Variants in HUWE1 observed in about 807,000 individuals in gnomAD.
HUWE1 encodes HECT, UBA and WWE domain containing E3 ubiquitin protein ligase 1.
A neutral mutation model predicts 299.4 loss-of-function variants in HUWE1; 18 were observed. That is an observed-to-expected ratio of 0.06 (90% CI 0.04 to 0.09). The LOEUF (loss-of-function observed/expected upper bound fraction) is 0.09. Among genes scored for constraint, HUWE1 ranks in the 10% least tolerant of loss-of-function variants. The pLI is 1.00. For synonymous variants in HUWE1, 1,317 were observed against 1,286.1 expected (o/e 1.02, Z -0.51); for missense variants, 1,832 against 3,462.3 (o/e 0.53, Z 11.82).
Position 53,533,189 on chromosome X carries a change from G to T in HUWE1, c.*120C>A. The T allele has an allele frequency of 1.9e-6, 1 of 515,198 alleles. No homozygotes were observed. The allele number at this position is 515,198 out of a possible 1,213,427, so 42.5% of individuals were successfully genotyped here. On this transcript the variant is annotated 3_prime_UTR_variant, in exon 84 of 84. Transcript: ENST00000262854. ...AGATGGGGCAGCTGGGACACACACGGTGAGTTGGTGGATTTCATTTATTGG... is the reference window on the plus strand; with the variant it reads ...AGATGGGGCAGCTGGGACACACACGTTGAGTTGGTGGATTTCATTTATTGG...
intron 38 of HUWE1, 28 bp downstream of exon 38, chrX:53,586,754 A>G: frequency 2.5e-6 from 3 of 1,210,646 alleles, no homozygotes; most frequent in Non-Finnish European, 3.4e-6. Flanking sequence ...AATAGAAACG[A>G]AACTAGGGTA....
At chrX:53,661,560 C>G (rs1303426320) in intron 3 of HUWE1, among the ~76,000 whole-genome samples, 2 of 110,994 alleles carry the variant, frequency 1.8e-5, no homozygotes, top group African/African-American at 6.6e-5. Flanking sequence ...AGGTGAAAAC[C>G]CTATTACATT....
intron 3 of HUWE1, among the ~76,000 whole-genome samples, chrX:53,666,651 T>C (rs1264949488): frequency 1.8e-5 from 2 of 110,924 alleles, no homozygotes; most frequent in African/African-American, 6.6e-5. Context: ...TTACCTCTCT[T>C]ACCAGTGCTA....
chrX:53,599,581 A>G (rs1556988242), intron 29 of HUWE1, among the ~76,000 whole-genome samples: 1 of 112,623 alleles, frequency 8.9e-6, no homozygotes, highest in African/African-American at 3.2e-5. Flanking sequence ...TAAAGCTGCC[A>G]AAGTGACTTT....
chrX:53,548,945 T>G lies in HUWE1; in HGVS notation c.10035+14A>C, dbSNP rs1556925818. On this transcript the variant is annotated intron_variant, in intron 67 of 83. Transcript: ENST00000262854. ...CCTTCTTCCATCCCCAGGAGTTGGG[T>G]TTGAAACCCTCACCTTGGCCAATTG... 8.5e-7 allele frequency: 1 copy of G among 1,182,327 alleles called. No homozygotes were observed. Among genetic ancestry groups the G allele is most frequent in the Non-Finnish European group, 1.1e-6 (1 of 879,409 alleles).
At chrX:53,629,432 C>T in intron 13 of HUWE1, 84 bp downstream of exon 13, 1 of 611,508 alleles carries the variant, frequency 1.6e-6, no homozygotes, top group East Asian at 3.4e-5. Context: ...AATATCCCCT[C>T]CCCCCCCAAA....
Position 53,532,227 on chromosome X carries a change from G to T in HUWE1, c.*1082C>A, listed in dbSNP as rs1206067575. The T allele has an allele frequency of 8.9e-6, 1 of 112,072 alleles. No individual in the cohort carries two copies. The highest frequency in any genetic ancestry group is 1.9e-5 in the Non-Finnish European group (1 of 53,265). The allele number at this position is 112,072 out of a possible 1,213,427, so 9.2% of individuals were successfully genotyped here. On this transcript the variant is annotated 3_prime_UTR_variant, in exon 84 of 84. Transcript: ENST00000262854. The stretch of plus-strand genomic sequence containing the variant: ...CACAAGGGACTACAAGGTGATCTGT[G>T]AACAGACTGGCAGACAGATGACGAG...
chrX:53,683,047 T>C (rs2070263073), intron 2 of HUWE1, among the ~76,000 whole-genome samples: 1 of 111,523 alleles, frequency 9.0e-6, no homozygotes, highest in Non-Finnish European at 1.9e-5. Flanking sequence ...TATGGCACCA[T>C]CCACAAAGAT....
At chrX:53,676,543 A>C in intron 3 of HUWE1, among the ~76,000 whole-genome samples, 1 of 112,276 alleles carries the variant, frequency 8.9e-6, no homozygotes, top group Non-Finnish European at 1.9e-5. Context: ...ATTTCTTTTG[A>C]CTTCACCTTT....
intron 3 of HUWE1, among the ~76,000 whole-genome samples, chrX:53,675,899 G>A (rs981228851): frequency 5.4e-5 from 6 of 111,279 alleles, no homozygotes; most frequent in Non-Finnish European, 9.4e-5. Flanking sequence ...CAGTATAGAC[G>A]GAGAGAGATC....
intron 70 of HUWE1, 37 bp from the exon 71 acceptor site, chrX:53,545,198 T>G: frequency 8.3e-7 from 1 of 1,197,924 alleles, no homozygotes; most frequent in East Asian, 3.0e-5. Flanking sequence ...GTTCAGAGAC[T>G]CCCCTGGTAA....
In HUWE1 at chrX:53,611,219, G is replaced by C. The variant is rs185638611; in HGVS notation, c.2262-2310C>G. Among the ~76,000 whole-genome samples the C allele has an allele frequency of 9.6e-3, 1,000 of 104,022 alleles. 19 individuals are homozygous for C. Among genetic ancestry groups the C allele is most frequent in the African/African-American group, 0.034 (961 of 28,389 alleles). The allele number at this position is 104,022 out of a possible 115,157, so 90.3% of individuals were successfully genotyped here. On this transcript the variant is annotated intron_variant, in intron 23 of 83. Transcript: ENST00000262854. ...AAAAAAAAAAAAAAAAGAAAGGGTAGTGTCTAAGCCTGGAAAAAACTCAGA... is the reference window on the plus strand; with the variant it reads ...AAAAAAAAAAAAAAAAGAAAGGGTACTGTCTAAGCCTGGAAAAAACTCAGA...
At chrX:53,602,685 A>G in intron 27 of HUWE1, 27 bp from the exon 28 acceptor site, 1 of 757,444 alleles carries the variant, frequency 1.3e-6, no homozygotes, top group Non-Finnish European at 2.0e-6. Context: ...GCTGAGCAAA[A>G]GAAATATATA....
chrX:53,543,766 G>A, intron 73 of HUWE1, 75 bp downstream of exon 73: 3 of 1,200,505 alleles, frequency 2.5e-6, no homozygotes, highest in Non-Finnish European at 3.4e-6. Flanking sequence ...TAAAGGCAAT[G>A]AAACCCCACT....
intron 56 of HUWE1, 140 bp from the exon 57 acceptor site, chrX:53,559,672 G>A (rs2062196250): frequency 1.7e-6 from 1 of 573,250 alleles, no homozygotes; most frequent in Non-Finnish European, 2.9e-6. Context: ...ACAAGTCTAA[G>A]TTATTTTTCT....
Position 53,590,509 on chromosome X carries a change from T to TA in HUWE1, c.4096-11dup, listed in dbSNP as rs781840932. On this transcript the variant is annotated splice_polypyrimidine_tract_variant and intron_variant, in intron 34 of 83. Transcript: ENST00000262854. ...CAGACATGCTGAGATCCTAGAGTGT[T>TA]AAGAGAATATCCAGTAAGGATACAC... The TA allele has an allele frequency of 1.8e-6, 2 of 1,141,234 alleles. No individual in the cohort carries two copies. The highest frequency in any genetic ancestry group is 2.2e-5 in the Admixed American group (1 of 45,935). The allele number at this position is 1,141,234 out of a possible 1,213,427, so 94.1% of individuals were successfully genotyped here. A position where few individuals can be genotyped will look rare whatever the true frequency, so the allele number is the denominator to read the frequency against.
At chrX:53,613,608 T>A (rs1175626412) in intron 23 of HUWE1, among the ~76,000 whole-genome samples, 1 of 111,741 alleles carries the variant, frequency 8.9e-6, no homozygotes, top group Non-Finnish European at 1.9e-5. Context: ...CCTGGTGGAC[T>A]ACCCCCTACC....
At chrX:53,550,364 T>G (rs1383001683) in intron 66 of HUWE1, among the ~76,000 whole-genome samples, 1 of 111,913 alleles carries the variant, frequency 8.9e-6, no homozygotes, top group African/African-American at 3.3e-5. Context: ...TCAAGGCAGG[T>G]GGTTAGTTGT....
chrX:53,641,959 C>T (rs1299650277), intron 7 of HUWE1, among the ~76,000 whole-genome samples: 1 of 111,111 alleles, frequency 9.0e-6, no homozygotes, highest in Non-Finnish European at 1.9e-5. Context: ...CATTCCAAGA[C>T]CCCTAGTGGA....
Sources: gnomAD v4.1 joint callset for allele counts (sites outside exome capture counted in the v4.1 genomes callset) on GRCh38, gnomAD v4.1.1 for gene constraint, MANE v1.5 for transcripts, NCBI Gene and HGNC (gene_info 2026-07-23, HGNC 2026-07-21) for gene names.